The following FOXP1 variants were observed in gnomAD, a reference collection of about 807,000 sequenced individuals.
FOXP1 encodes forkhead box protein P1.
FOXP1 carries 15 observed loss-of-function variants against 98.2 expected under a neutral mutation model. The observed-to-expected ratio is 0.15, with a 90% confidence interval of 0.10 to 0.24. FOXP1 has a LOEUF of 0.24. Among genes scored for constraint, FOXP1 ranks in the 10% least tolerant of loss-of-function variants. The pLI is 1.00. For synonymous variants in FOXP1, 371 were observed against 314.5 expected (o/e 1.18, Z -1.90); for missense variants, 633 against 848.5 (o/e 0.75, Z 3.15).
chr3:71,546,809 C>T (rs2045398700), intron 2 of FOXP1, among the ~76,000 whole-genome samples: 1 of 152,200 alleles, frequency 6.6e-6, no homozygotes, highest in Non-Finnish European at 1.5e-5. Flanking sequence ...GGTGATTTCT[C>T]CTGCAAGGAC....
chr3:70,967,587 A>G (rs1230083758), intron 19 of FOXP1, among the ~76,000 whole-genome samples: 3 of 150,644 alleles, frequency 2.0e-5, no homozygotes, highest in East Asian at 3.9e-4. Context: ...TGCATCAAGT[A>G]CTTTTTCCAA....
In FOXP1 at chr3:70,958,099, T is replaced by TTGTC. The variant is rs2032253998; in HGVS notation, c.*1144_*1147dup. The TTGTC allele has an allele frequency of 2.9e-6, 1 of 342,372 alleles. No homozygotes were observed. Among genetic ancestry groups the TTGTC allele is most frequent in the Non-Finnish European group, 5.6e-6 (1 of 178,526 alleles). The allele number at this position is 342,372 out of a possible 1,614,324, so 21.2% of individuals were successfully genotyped here. A position where few individuals can be genotyped will look rare whatever the true frequency, so the allele number is the denominator to read the frequency against. On this transcript the variant is annotated 3_prime_UTR_variant, in exon 21 of 21. Transcript: ENST00000649528. ...CAAGGGAGAGCCTTCCAAGGCCATA[T>TTGTC]TGTCAGTCTAATTAATATGAGCTTT... is the stretch of plus-strand genomic sequence containing the variant.
chr3:71,512,650 T>C (rs1242405356), intron 2 of FOXP1, among the ~76,000 whole-genome samples: 2 of 152,198 alleles, frequency 1.3e-5, no homozygotes, highest in Non-Finnish European at 2.9e-5. Flanking sequence ...AGGTGTTGGA[T>C]TATTCATTTG....
intron 5 of FOXP1, among the ~76,000 whole-genome samples, chr3:71,269,672 A>G (rs956691180): frequency 6.6e-6 from 1 of 152,238 alleles, no homozygotes; most frequent in Non-Finnish European, 1.5e-5. Context: ...GGATAATTAA[A>G]AGGGCAATTA....
At chr3:71,318,805 G>A (rs1014267633) in intron 4 of FOXP1, among the ~76,000 whole-genome samples, 3 of 152,174 alleles carry the variant, frequency 2.0e-5, no homozygotes, top group Non-Finnish European at 2.9e-5. Flanking sequence ...TAAGGTGGAA[G>A]ATGTCAAGGT....
At chr3:71,465,168 G>A (rs1052275573) in intron 3 of FOXP1, among the ~76,000 whole-genome samples, 4 of 152,026 alleles carry the variant, frequency 2.6e-5, no homozygotes, top group South Asian at 2.1e-4. Context: ...TTAGCTGGGC[G>A]TGGTGGCACA....
chr3:71,101,618 A>G (rs976825647), intron 7 of FOXP1, among the ~76,000 whole-genome samples: 1 of 150,618 alleles, frequency 6.6e-6, no homozygotes, highest in African/African-American at 2.4e-5. Context: ...ATTCAAGAAA[A>G]TGATGAGGAG....
At position 71,240,679 on chromosome 3, in the gene FOXP1, T is replaced by C. The variant is rs553927796; in HGVS notation, c.-11-42287A>G. On this transcript the variant is annotated intron_variant, in intron 5 of 20. Transcript: ENST00000649528. ...TGCCTCAGGTCCCGAGTAGCTGGGA[T>C]TACAGGCGCGTGCCACCATGCCCGG... Among the ~76,000 whole-genome samples the C allele has an allele frequency of 1.6e-4, 25 of 151,818 alleles. No homozygotes were observed. In the South Asian group the frequency reaches 2.7e-3, roughly 17 times the overall value.
intron 6 of FOXP1, among the ~76,000 whole-genome samples, chr3:71,142,616 C>G (rs2060123068): frequency 6.6e-6 from 1 of 152,198 alleles, no homozygotes; most frequent in South Asian, 2.1e-4. Flanking sequence ...AGCAAGGAAG[C>G]AGGGACCTCA....
chr3:71,336,589 C>A (rs1162337857), intron 4 of FOXP1, among the ~76,000 whole-genome samples: 2 of 152,138 alleles, frequency 1.3e-5, no homozygotes, highest in Admixed American at 1.3e-4. Flanking sequence ...GACATTTATC[C>A]TGTATTACCT....
intron 2 of FOXP1, among the ~76,000 whole-genome samples, chr3:71,517,475 G>A (rs1204863257): frequency 2.0e-5 from 3 of 152,080 alleles, no homozygotes; most frequent in South Asian, 4.1e-4. Context: ...TAACTGTCAG[G>A]GAAATGTCTA....
intron 11 of FOXP1, among the ~76,000 whole-genome samples, chr3:71,041,017 G>A (rs991021844): frequency 1.3e-5 from 2 of 152,138 alleles, no homozygotes; most frequent in Non-Finnish European, 2.9e-5. Context: ...CAGCTTGTAC[G>A]GAGTGAGCAC....
chr3:71,133,684 AAAAAGG>A (rs890631497), intron 6 of FOXP1, among the ~76,000 whole-genome samples: 7 of 152,174 alleles, frequency 4.6e-5, no homozygotes, highest in African/African-American at 1.7e-4. Context: ...AAATAAAAAA[AAAAAGG>A]ACACACAACA....
At chr3:71,196,755 G>A (rs1272389199) in intron 6 of FOXP1, among the ~76,000 whole-genome samples, 5 of 152,136 alleles carry the variant, frequency 3.3e-5, no homozygotes, top group South Asian at 4.1e-4. Context: ...CTCACTGGTT[G>A]GAATTTGGCC....
intron 3 of FOXP1, among the ~76,000 whole-genome samples, chr3:71,388,786 A>G (rs556688114): frequency 6.6e-6 from 1 of 152,340 alleles, no homozygotes; most frequent in East Asian, 1.9e-4. Context: ...GACAGATAAA[A>G]ATGATTAACT....
At chr3:71,406,690 G>A (rs1257219635) in intron 3 of FOXP1, among the ~76,000 whole-genome samples, 3 of 151,962 alleles carry the variant, frequency 2.0e-5, no homozygotes, top group African/African-American at 7.3e-5. Flanking sequence ...CCCTTGCCAT[G>A]TAACATACCA....
intron 4 of FOXP1, among the ~76,000 whole-genome samples, chr3:71,351,371 A>G: frequency 6.6e-6 from 1 of 152,326 alleles, no homozygotes; most frequent in East Asian, 1.9e-4. Context: ...AGGCACCGAC[A>G]CTTTAGAAGT....
At chr3:71,407,662 G>A (rs888399194) in intron 3 of FOXP1, among the ~76,000 whole-genome samples, 5 of 147,644 alleles carry the variant, frequency 3.4e-5, no homozygotes, top group South Asian at 4.2e-4. Flanking sequence ...AGAACTGTGC[G>A]TGTGTGTGTG....
In FOXP1 at chr3:70,956,741, T is replaced by TTG. The variant is rs1559550435; in HGVS notation, c.*2505_*2506insCA. 4 of 151,244 alleles carry TTG rather than the reference T, an allele frequency of 2.6e-5. No individual in the cohort carries two copies. Among genetic ancestry groups the TTG allele is most frequent in the African/African-American group, 1.5e-4 (3 of 20,480 alleles). 9.4% of individuals were successfully genotyped at this position (151,244 alleles called of 1,614,324 possible). On this transcript the variant is annotated 3_prime_UTR_variant, in exon 21 of 21. Coordinates refer to ENST00000649528, the MANE Select transcript of FOXP1 (RefSeq NM_001349338.3). Reference sequence around the variant, plus strand: ...GAAGCTGCCTGGAAAAGTTTTTTTTTTTTTTTTTTTTTTTTTTTTTTTTTT... The same window carrying TTG: ...GAAGCTGCCTGGAAAAGTTTTTTTTTTGTTTTTTTTTTTTTTTTTTTTTTTTT...
Sources: gnomAD v4.1 joint callset for allele counts (sites outside exome capture counted in the v4.1 genomes callset) on GRCh38, gnomAD v4.1.1 for gene constraint, MANE v1.5 for transcripts, NCBI Gene and HGNC (gene_info 2026-07-23, HGNC 2026-07-21) for gene names.